The following PTPDC1 variants were observed in gnomAD, a reference collection of about 807,000 sequenced individuals.
PTPDC1 encodes the protein protein tyrosine phosphatase domain containing 1.
In PTPDC1, 53 loss-of-function variants were observed where a neutral mutation model predicts 75.3. The ratio of observed to expected loss-of-function variants is 0.70; its 90% CI spans 0.56 to 0.88. The LOEUF (loss-of-function observed/expected upper bound fraction) is 0.88, where lower values mean the gene tolerates loss of function less well. PTPDC1 is among the 40% of genes least tolerant of loss of function. The pLI is 0.00. For synonymous variants in PTPDC1, 349 were observed against 366.2 expected (o/e 0.95, Z 0.54); for missense variants, 925 against 998.6 (o/e 0.93, Z 0.99).
chr9:94,084,393 G>T, upstream of PTPDC1: 1 of 1,382,876 alleles, frequency 7.2e-7, no homozygotes, highest in Non-Finnish European at 9.5e-7. Flanking sequence ...TTTGTTTGTC[G>T]CCATGGAAAC....
At chr9:94,076,417 C>T (rs772243949) in intron 2 of PTPDC1, among the ~76,000 whole-genome samples, 26 of 152,312 alleles carry the variant, frequency 1.7e-4, no homozygotes, top group Admixed American at 8.5e-4. Flanking sequence ...CTGGACATTT[C>T]ATATAAATGG....
chr9:94,036,684 A>G (rs774347898), intron 1 of PTPDC1, among the ~76,000 whole-genome samples: 2 of 152,172 alleles, frequency 1.3e-5, no homozygotes, highest in Non-Finnish European at 2.9e-5. Context: ...TCTATGTGGG[A>G]TGAGTAAGTA....
chr9:94,098,701 T>G, intron 6 of PTPDC1, 122 bp downstream of exon 6: 1 of 865,732 alleles, frequency 1.2e-6, no homozygotes, highest in Non-Finnish European at 1.8e-6. Context: ...GCATAATACT[T>G]TCTAACTTCA....
Position 94,088,190 on chromosome 9 carries a change from T to C in PTPDC1, c.543T>C (p.His181=). The change falls in exon 4 of 9, where the codon CAT becomes CAC. Residue 181 remains histidine, a synonymous_variant. Coordinates refer to ENST00000620992, the MANE Select transcript of PTPDC1 (RefSeq NM_001253829.2). Reference sequence around the variant, plus strand: ...TCAACCTCCAGCGCCCTGGTGAGCATGCTAGCTGTGGGAACCCTCTGGAAC... The same window carrying C: ...TCAACCTCCAGCGCCCTGGTGAGCACGCTAGCTGTGGGAACCCTCTGGAAC... ...TIINLQRPGE[H]ASCGNPLEQE... 1 of 1,613,944 alleles carries C rather than the reference T, an allele frequency of 6.2e-7. No individual in the cohort carries two copies.
At chr9:94,091,202 G>C (rs1827304180) in intron 4 of PTPDC1, among the ~76,000 whole-genome samples, 1 of 151,750 alleles carries the variant, frequency 6.6e-6, no homozygotes, top group African/African-American at 2.4e-5. Flanking sequence ...CATTCAGTAT[G>C]ATATTGGCTG....
intron 1 of PTPDC1, among the ~76,000 whole-genome samples, chr9:94,042,484 GTTTA>G (rs1825453130): frequency 6.6e-6 from 1 of 152,190 alleles, no homozygotes. Context: ...CTAGACTGTA[GTTTA>G]TTAAGTGTGC....
intron 1 of PTPDC1, among the ~76,000 whole-genome samples, chr9:94,036,390 G>A (rs183746836): frequency 1.3e-4 from 20 of 151,674 alleles, no homozygotes; most frequent in Middle Eastern, 3.4e-3. Flanking sequence ...AGTCCTGTTT[G>A]TTTCTTTTAT....
At chr9:94,060,042 T>C (rs1826079707) in intron 1 of PTPDC1, among the ~76,000 whole-genome samples, 1 of 152,022 alleles carries the variant, frequency 6.6e-6, no homozygotes, top group African/African-American at 2.4e-5. Flanking sequence ...AACTATAGAG[T>C]ATATATATAG....
intron 1 of PTPDC1, among the ~76,000 whole-genome samples, chr9:94,047,411 C>G (rs549358733): frequency 1.1e-3 from 173 of 152,216 alleles, no homozygotes; most frequent in African/African-American, 4.1e-3. Flanking sequence ...GGGACACATT[C>G]AAAGCAGTGT....
intron 4 of PTPDC1, 61 bp from the exon 5 acceptor site, chr9:94,095,255 AG>A: frequency 8.8e-7 from 1 of 1,142,728 alleles, no homozygotes; most frequent in Non-Finnish European, 1.2e-6. Flanking sequence ...ACTTTTCATT[AG>A]TGTTTGTACT....
rs137954810 is a variant in PTPDC1, at chr9:94,051,578, A to G, written c.-6-13156A>G. Reference sequence around the variant, plus strand: ...TTTGGTGGAATTCACCAGTGAAACCATCTGAGTCTGTTGTTTTCCTTTTTG... The same window carrying G: ...TTTGGTGGAATTCACCAGTGAAACCGTCTGAGTCTGTTGTTTTCCTTTTTG... On this transcript the variant is annotated intron_variant, in intron 1 of 9. Coordinates refer to the PTPDC1 transcript ENST00000375360. 2.6e-3 allele frequency among the ~76,000 whole-genome samples: 391 copies of G among 152,316 alleles called. 5 individuals are homozygous for G. The highest frequency in any genetic ancestry group is 8.9e-3 in the African/African-American group (370 of 41,564).
upstream of PTPDC1, among the ~76,000 whole-genome samples, chr9:94,082,666 A>G (rs1243461554): frequency 1.3e-5 from 2 of 152,210 alleles, no homozygotes; most frequent in African/African-American, 2.4e-5. Flanking sequence ...ACACTGAGCA[A>G]GCATGCAGAA....
chr9:94,098,413 A>C lies in PTPDC1; in HGVS notation c.1847A>C (p.Glu616Ala), dbSNP rs1827700389. The C allele has an allele frequency of 1.2e-6, 2 of 1,614,086 alleles. No individual in the cohort carries two copies. The highest frequency in any genetic ancestry group is 8.5e-7 in the Non-Finnish European group (1 of 1,180,046). ...AGTCCCAAAGCACAGTTCTTGGTTG[A>C]ACATGAAACCCAGGACAGTAAAGAT... Reference protein sequence around the residue: ...GSSPKAQFLVEHETQDSKDLS... With the variant: ...GSSPKAQFLVAHETQDSKDLS... The change falls in exon 6 of 9, where the codon GAA becomes GCA. Residue 616 changes from glutamate (E) to alanine (A), a missense_variant. Glu to Ala is a moderately radical substitution (Grantham distance 107). Transcript: ENST00000620992.
intron 4 of PTPDC1, among the ~76,000 whole-genome samples, chr9:94,091,260 A>G (rs1306262780): frequency 6.6e-6 from 1 of 152,168 alleles, no homozygotes; most frequent in East Asian, 1.9e-4. Flanking sequence ...CGTCCCATCA[A>G]TGCCTAATTT....
At chr9:94,096,130 G>A (rs1376248613) in intron 5 of PTPDC1, among the ~76,000 whole-genome samples, 1 of 152,142 alleles carries the variant, frequency 6.6e-6, no homozygotes, top group African/African-American at 2.4e-5. Flanking sequence ...GCTGATATTG[G>A]GGCAAAAATG....
At chr9:94,033,036 A>G (rs921461599) in intron 1 of PTPDC1, among the ~76,000 whole-genome samples, 2 of 151,618 alleles carry the variant, frequency 1.3e-5, no homozygotes, top group East Asian at 3.9e-4. Flanking sequence ...TACTTTTTGT[A>G]TTTTTTATGG....
chr9:94,070,009 A>G (rs1272275542), intron 2 of PTPDC1, among the ~76,000 whole-genome samples: 30 of 150,308 alleles, frequency 2.0e-4, no homozygotes, highest in Admixed American at 2.0e-3. Context: ...TATTTCTAGT[A>G]GAGATGGGGT....
In PTPDC1 at chr9:94,087,921, G is replaced by A. The variant is rs746061919; in HGVS notation, c.497+10G>A. 15 of 1,608,858 alleles carry A rather than the reference G, an allele frequency of 9.3e-6. No homozygotes were observed. The South Asian group carries it at 1.2e-4, about 13-fold the overall frequency. On this transcript the variant is annotated intron_variant, in intron 3 of 8. Transcript: ENST00000620992. The stretch of plus-strand genomic sequence containing the variant: ...TTGATCAGTTCCTCAGGTAAATGCT[G>A]TATTGTTCACACACGAGTGAGCAAA...
intron 1 of PTPDC1, among the ~76,000 whole-genome samples, chr9:94,061,826 G>A (rs1347619657): frequency 6.6e-5 from 10 of 152,260 alleles, no homozygotes; most frequent in Admixed American, 6.5e-4. Context: ...CTGAGCCTGT[G>A]TTGGGAGGGG....
Sources: gnomAD v4.1 joint callset for allele counts (sites outside exome capture counted in the v4.1 genomes callset) on GRCh38, gnomAD v4.1.1 for gene constraint, MANE v1.5 for transcripts, NCBI Gene and HGNC (gene_info 2026-07-23, HGNC 2026-07-21) for gene names.